EYS: variants seen among roughly 807,000 people sequenced by gnomAD.
The protein encoded by EYS is protein eyes shut homolog.
A neutral mutation model predicts 282.1 loss-of-function variants in EYS; 250 were observed. The ratio of observed to expected loss-of-function variants is 0.89; its 90% CI spans 0.80 to 0.98. The LOEUF is 0.98. Among genes scored for constraint, EYS ranks in the 50% least tolerant of loss-of-function variants. EYS has a pLI of 0.00. For missense variants in EYS, 4,016 were observed against 3,709.0 expected (o/e 1.08, Z -2.15); for synonymous variants, 1,355 against 1,282.9 (o/e 1.06, Z -1.20).
intron 26 of EYS, among the ~76,000 whole-genome samples, chr6:64,485,674 T>C (rs1056478202): frequency 1.3e-5 from 2 of 151,490 alleles, no homozygotes; most frequent in African/African-American, 4.8e-5. Context: ...TATAGAAGAT[T>C]AGTTCTGAGC....
intron 21 of EYS, among the ~76,000 whole-genome samples, chr6:64,820,643 A>T (rs1764872584): frequency 1.3e-5 from 2 of 152,162 alleles, no homozygotes; most frequent in East Asian, 3.9e-4. Context: ...TATCTCATTT[A>T]ATTCTTGCAA....
chr6:64,938,369 C>T (rs896487174), intron 15 of EYS, among the ~76,000 whole-genome samples: 4 of 151,540 alleles, frequency 2.6e-5, no homozygotes, highest in African/African-American at 9.7e-5. Context: ...ACCACATTGA[C>T]ACACTTTTAT....
intron 22 of EYS, among the ~76,000 whole-genome samples, chr6:64,649,265 A>G (rs770808378): frequency 6.6e-5 from 10 of 151,878 alleles, no homozygotes; most frequent in Non-Finnish European, 1.0e-4. Context: ...AATTATAAGC[A>G]TATTTGTTAA....
chr6:65,399,001 T>C (rs1316416842), intron 7 of EYS, among the ~76,000 whole-genome samples: 1 of 152,110 alleles, frequency 6.6e-6, no homozygotes, highest in Non-Finnish European at 1.5e-5. Flanking sequence ...TTCTTAGAAA[T>C]ATATTCCAGA....
chr6:64,038,215 T>C (rs1370304292), intron 33 of EYS, among the ~76,000 whole-genome samples: 2 of 152,108 alleles, frequency 1.3e-5, no homozygotes, highest in Non-Finnish European at 2.9e-5. Flanking sequence ...AAATTTACAC[T>C]TAGATAGGTT....
intron 42 of EYS, among the ~76,000 whole-genome samples, chr6:63,723,480 G>C (rs1431498215): frequency 1.3e-5 from 2 of 152,070 alleles, no homozygotes; most frequent in Non-Finnish European, 2.9e-5. Flanking sequence ...GAGTGTTCCT[G>C]TAGTAAACAA....
At chr6:64,715,564 C>T (rs1269977248) in intron 22 of EYS, among the ~76,000 whole-genome samples, 4 of 152,164 alleles carry the variant, frequency 2.6e-5, no homozygotes, top group African/African-American at 4.8e-5. Context: ...CACAAATGGG[C>T]TGCAGATCCA....
chr6:64,600,669 T>C (rs938900187), intron 24 of EYS, among the ~76,000 whole-genome samples: 1 of 152,084 alleles, frequency 6.6e-6, no homozygotes, highest in Non-Finnish European at 1.5e-5. Context: ...ATACTACCAG[T>C]GCCCCTAGGA....
chr6:65,457,272 C>G (rs984650669), intron 5 of EYS, among the ~76,000 whole-genome samples: 2 of 152,118 alleles, frequency 1.3e-5, no homozygotes, highest in Non-Finnish European at 2.9e-5. Flanking sequence ...TTAAGTGATT[C>G]TCCTGTCTCA....
chr6:64,039,137 C>G (rs536139612), intron 33 of EYS, among the ~76,000 whole-genome samples: 2 of 152,194 alleles, frequency 1.3e-5, no homozygotes, highest in Admixed American at 1.3e-4. Flanking sequence ...GCCTATTCTA[C>G]CTAATTTTCA....
At chr6:64,719,175 A>G (rs76789177) in intron 22 of EYS, among the ~76,000 whole-genome samples, 2,300 of 152,228 alleles carry the variant, frequency 0.015, 56 homozygotes, top group African/African-American at 0.052. Context: ...GGAAAAGGAA[A>G]TTAGATTTTT....
intron 12 of EYS, among the ~76,000 whole-genome samples, chr6:65,120,151 C>CAAAAAAAAAAAAAAAAAAAA (rs1170415166): frequency 1.6e-5 from 1 of 62,584 alleles, no homozygotes; most frequent in African/African-American, 6.0e-5. Context: ...GACTCCGTCT[C>CAAAAAAAAAAAAAAAAAAAA]AAAAAAAAAA....
intron 5 of EYS, among the ~76,000 whole-genome samples, chr6:65,474,584 T>C (rs1428703734): frequency 6.6e-6 from 1 of 152,136 alleles, no homozygotes; most frequent in Non-Finnish European, 1.5e-5. Flanking sequence ...AAAGTCAGTA[T>C]GTAAATCTTC....
At chr6:64,553,558 C>CA (rs1554177901) in intron 26 of EYS, among the ~76,000 whole-genome samples, 4 of 132,064 alleles carry the variant, frequency 3.0e-5, no homozygotes, top group Admixed American at 1.5e-4. Flanking sequence ...CCCCCCCCCC[C>CA]ATAGGCAGTT....
intron 36 of EYS, among the ~76,000 whole-genome samples, chr6:63,861,571 T>G (rs1772532135): frequency 6.6e-6 from 1 of 152,226 alleles, no homozygotes; most frequent in African/African-American, 2.4e-5. Context: ...TAGGCCCTGC[T>G]AACATTAGAT....
At chr6:64,695,499 C>A (rs1184138949) in intron 22 of EYS, among the ~76,000 whole-genome samples, 1 of 151,982 alleles carries the variant, frequency 6.6e-6, no homozygotes, top group East Asian at 1.9e-4. Context: ...CACACTAAGG[C>A]TAATTATAAC....
intron 13 of EYS, among the ~76,000 whole-genome samples, chr6:65,056,435 T>C (rs892649164): frequency 6.6e-6 from 1 of 151,864 alleles, no homozygotes; most frequent in Non-Finnish European, 1.5e-5. Flanking sequence ...TCTACAAAAA[T>C]ACAAAAACTA....
intron 19 of EYS, among the ~76,000 whole-genome samples, chr6:64,883,559 C>T (rs1179723152): frequency 1.3e-5 from 2 of 151,206 alleles, no homozygotes; most frequent in African/African-American, 4.8e-5. Context: ...AATATATAAT[C>T]GTGTCTAGTT....
At chr6:65,402,381 A>G (rs1381711215) in intron 7 of EYS, 97 bp downstream of exon 7, 1 of 889,490 alleles carries the variant, frequency 1.1e-6, no homozygotes, top group Non-Finnish European at 1.8e-6. Flanking sequence ...CATTAAGTAA[A>G]AGTTAGGGTT....
Sources: gnomAD v4.1 joint callset for allele counts (sites outside exome capture counted in the v4.1 genomes callset) on GRCh38, gnomAD v4.1.1 for gene constraint, MANE v1.5 for transcripts, NCBI Gene and HGNC (gene_info 2026-07-23, HGNC 2026-07-21) for gene names.